SEPTIN10: variants seen among roughly 807,000 people sequenced by gnomAD.
SEPTIN10 encodes the protein septin 10.
SEPTIN10 carries 66 observed loss-of-function variants against 54.8 expected under a neutral mutation model. The observed-to-expected ratio is 1.21, with a 90% CI of 0.99 to 1.48. The LOEUF (loss-of-function observed/expected upper bound fraction) is 1.48. Ranked by LOEUF, SEPTIN10 falls within the 40% of genes most tolerant of loss-of-function variation. The pLI, the probability that SEPTIN10 is intolerant of heterozygous loss-of-function variation, is 0.00. For missense variants in SEPTIN10, 620 were observed against 545.6 expected (o/e 1.14, Z -1.36); for synonymous variants, 161 against 181.0 (o/e 0.89, Z 0.89).
intron 1 of SEPTIN10, chr2:109,613,156 T>C: frequency 7.8e-7 from 1 of 1,288,744 alleles, no homozygotes. Context: ...TTGGTACTAT[T>C]AACGAAAATA....
At position 109,559,114 on chromosome 2, in the gene SEPTIN10, G is replaced by C. The variant is rs572070130; in HGVS notation, c.1028+5252C>G. 7.2e-5 allele frequency among the ~76,000 whole-genome samples: 11 copies of C among 152,240 alleles called. No homozygotes were observed. The East Asian group carries it at 2.1e-3, about 29-fold the overall frequency. ...TTGGCCAGGCTGGTCTTGAACTCCT[G>C]ACCTCAGGTGATCCACCCACCTTGG... On this transcript the variant is annotated intron_variant, in intron 8 of 10. Transcript: ENST00000397712.
In SEPTIN10 at chr2:109,581,001, C is replaced by A. The variant is rs549981954; in HGVS notation, c.413+4125G>T. Among the ~76,000 whole-genome samples the A allele has an allele frequency of 3.9e-5, 6 of 152,310 alleles. 1 individual carries two copies. Among genetic ancestry groups the A allele is most frequent in the African/African-American group, 1.4e-4 (6 of 41,560 alleles). On this transcript the variant is annotated intron_variant, in intron 4 of 10. Transcript: ENST00000397712. ...GGAAGCACTGCACATCTGGAGAGGGCCCCCAAGTCCCTGGCTAAAGAATAA... is the reference window on the plus strand; with the variant it reads ...GGAAGCACTGCACATCTGGAGAGGGACCCCAAGTCCCTGGCTAAAGAATAA...
chr2:109,613,951 C>A lies in SEPTIN10; in HGVS notation c.-124G>T. The A allele has an allele frequency of 8.2e-7, 1 of 1,213,050 alleles. No individual in the cohort carries two copies. 75.1% of individuals were successfully genotyped at this position (1,213,050 alleles called of 1,614,324 possible). On this transcript the variant is annotated 5_prime_UTR_variant, in exon 1 of 11. Coordinates refer to ENST00000397712, the MANE Select transcript of SEPTIN10 (RefSeq NM_144710.5). Reference sequence around the variant, plus strand: ...GGCGGGGCGCGAGGCTAGGCTGCCTCCGCGACGGGGAAGGGACAGGGGCGG... The same window carrying A: ...GGCGGGGCGCGAGGCTAGGCTGCCTACGCGACGGGGAAGGGACAGGGGCGG...
chr2:109,572,718 G>A (rs1434743175), intron 5 of SEPTIN10, among the ~76,000 whole-genome samples: 1 of 148,430 alleles, frequency 6.7e-6, no homozygotes, highest in Non-Finnish European at 1.5e-5. Flanking sequence ...CTGGGTTCAA[G>A]CAATTCTCCT....
At chr2:109,580,879 T>C (rs1690947234) in intron 4 of SEPTIN10, among the ~76,000 whole-genome samples, 1 of 152,148 alleles carries the variant, frequency 6.6e-6, no homozygotes, top group South Asian at 2.1e-4. Flanking sequence ...GCACAGCGCC[T>C]GGCCATTCAC....
chr2:109,557,851 C>CTTTTT (rs202104089), intron 8 of SEPTIN10, among the ~76,000 whole-genome samples: 1 of 140,806 alleles, frequency 7.1e-6, no homozygotes, highest in Non-Finnish European at 1.5e-5. Context: ...TCATAATTTT[C>CTTTTT]TTTTTTTTTT....
intron 9 of SEPTIN10, among the ~76,000 whole-genome samples, chr2:109,547,066 A>C (rs1398353507): frequency 6.6e-6 from 1 of 152,064 alleles, no homozygotes; most frequent in Admixed American, 6.6e-5. Context: ...CCCTTCCCCA[A>C]CCAGGGAGAA....
intron 2 of SEPTIN10, among the ~76,000 whole-genome samples, chr2:109,587,630 T>C (rs1354275742): frequency 6.6e-6 from 1 of 152,166 alleles, no homozygotes; most frequent in South Asian, 2.1e-4. Context: ...ATGAAAACTT[T>C]AGGCCTGGTG....
chr2:109,544,239 GCA>G lies in SEPTIN10; in HGVS notation c.*68_*69del. On this transcript the variant is annotated 3_prime_UTR_variant, in exon 11 of 11. Transcript: ENST00000397712. ...TAAAACAAATAACAGCAAAATCAAA[GCA>G]CACTTCTAGTTTTTTTTTAATAAAG... is the stretch of plus-strand genomic sequence containing the variant. 6.2e-7 allele frequency: 1 copy of G among 1,611,748 alleles called. No homozygotes were observed. Among genetic ancestry groups the G allele is most frequent in the African/African-American group, 1.3e-5 (1 of 74,884 alleles).
chr2:109,573,519 G>A (rs1457541093), intron 5 of SEPTIN10, among the ~76,000 whole-genome samples: 1 of 152,112 alleles, frequency 6.6e-6, no homozygotes, highest in African/African-American at 2.4e-5. Flanking sequence ...CTAAAACCAG[G>A]GGACCAAGCA....
chr2:109,597,435 C>T (rs781557018), intron 1 of SEPTIN10, among the ~76,000 whole-genome samples: 3 of 152,178 alleles, frequency 2.0e-5, no homozygotes, highest in East Asian at 1.9e-4. Context: ...AGCTAGGCTC[C>T]GCAGTCTCAA....
At chr2:109,564,320 C>A (rs1001800436) in intron 8 of SEPTIN10, 46 bp downstream of exon 8, 3 of 1,444,164 alleles carry the variant, frequency 2.1e-6, no homozygotes, top group Middle Eastern at 2.5e-4. Flanking sequence ...ATATGCAATC[C>A]TCTCTAACTT....
chr2:109,585,428 G>C, intron 3 of SEPTIN10, 107 bp from the exon 4 acceptor site: 1 of 937,810 alleles, frequency 1.1e-6, no homozygotes, highest in East Asian at 2.5e-5. Context: ...TCAAAGGCCA[G>C]GGTGCGCATG....
At chr2:109,581,068 T>C (rs560706001) in intron 4 of SEPTIN10, among the ~76,000 whole-genome samples, 1 of 152,366 alleles carries the variant, frequency 6.6e-6, no homozygotes, top group South Asian at 2.1e-4. Context: ...ACTACGGCCA[T>C]TTCCTATATT....
chr2:109,589,099 G>A (rs1003181529), intron 2 of SEPTIN10, among the ~76,000 whole-genome samples: 4 of 151,978 alleles, frequency 2.6e-5, no homozygotes, highest in Non-Finnish European at 5.9e-5. Context: ...GGTAATTTTT[G>A]TGGTTTTTTT....
chr2:109,590,941 C>T (rs1019510786), intron 2 of SEPTIN10, among the ~76,000 whole-genome samples: 2 of 152,124 alleles, frequency 1.3e-5, no homozygotes, highest in Non-Finnish European at 2.9e-5. Context: ...AGCAGCTGAC[C>T]CCTTGAGTAT....
intron 6 of SEPTIN10, among the ~76,000 whole-genome samples, chr2:109,566,114 T>A (rs902998600): frequency 2.6e-5 from 4 of 151,716 alleles, no homozygotes; most frequent in Admixed American, 1.3e-4. Context: ...ACAAAAAAAA[T>A]TTATTTATTT....
chr2:109,572,917 A>G (rs1463351283), intron 5 of SEPTIN10, among the ~76,000 whole-genome samples: 2 of 152,172 alleles, frequency 1.3e-5, no homozygotes, highest in East Asian at 3.9e-4. Context: ...GTCCAGCCCA[A>G]CAACCTTCTT....
intron 4 of SEPTIN10, among the ~76,000 whole-genome samples, chr2:109,584,466 CTCTG>C (rs1324250939): frequency 2.8e-5 from 3 of 106,366 alleles, no homozygotes; most frequent in African/African-American, 1.3e-4. Flanking sequence ...CAGAGCGAGA[CTCTG>C]TCTCAAAAAA....
Sources: gnomAD v4.1 joint callset for allele counts (sites outside exome capture counted in the v4.1 genomes callset) on GRCh38, gnomAD v4.1.1 for gene constraint, MANE v1.5 for transcripts, NCBI Gene and HGNC (gene_info 2026-07-23, HGNC 2026-07-21) for gene names.